ANO7: variants seen among roughly 807,000 people sequenced by gnomAD.
ANO7 encodes the protein anoctamin 7, also known as anoctamin-7.
A neutral mutation model predicts 115.8 loss-of-function variants in ANO7; 114 were observed. The observed-to-expected ratio is 0.98, with a 90% CI of 0.85 to 1.15. The LOEUF (loss-of-function observed/expected upper bound fraction) is 1.15, where lower values mean the gene tolerates loss of function less well. Ranked by LOEUF, ANO7 falls within the 50% of genes most tolerant of loss-of-function variation. The pLI, the probability that ANO7 is intolerant of heterozygous loss-of-function variation, is 0.00. For synonymous variants in ANO7, 550 were observed against 498.2 expected (o/e 1.10, Z -1.38); for missense variants, 1,302 against 1,201.2 (o/e 1.08, Z -1.24).
intron 4 of ANO7, among the ~76,000 whole-genome samples, chr2:241,196,638 G>T (rs2149128264): frequency 6.6e-6 from 1 of 152,262 alleles, no homozygotes; most frequent in East Asian, 1.9e-4. Flanking sequence ...GAGATCGGCA[G>T]AGCTGAATCT....
chr2:241,222,440 C>T (rs1462135108), intron 21 of ANO7, among the ~76,000 whole-genome samples: 1 of 151,902 alleles, frequency 6.6e-6, no homozygotes, highest in Non-Finnish European at 1.5e-5. Flanking sequence ...CAAGTGTGCT[C>T]TCTGTGTTGC....
downstream of ANO7, chr2:241,227,641 T>C (rs572358586): frequency 2.6e-5 from 4 of 152,734 alleles, no homozygotes; most frequent in South Asian, 2.1e-4. Context: ...CATACAGAGA[T>C]GTGCAAAACT....
At chr2:241,239,077 A>G in the ANO7 span, among the ~76,000 whole-genome samples, 1 of 152,004 alleles carries the variant, frequency 6.6e-6, no homozygotes, top group Non-Finnish European at 1.5e-5. This position sits in a 1 kb window ranked among gnomAD's most constrained non-coding sequence, Gnocchi z 4.6. Flanking sequence ...CTCTGACTCC[A>G]TGAGGAGGCA....
rs2068479424 is a variant in ANO7 at position 241,201,819 on chromosome 2, C to A, written c.613-375C>A. ...GTCACGTGGCTGCCCAGGTAGGGGG[C>A]AGGGCACACCCTGGACACAGCTGCC... On this transcript the variant is annotated intron_variant, in intron 7 of 24. Coordinates refer to ENST00000674324, the MANE Select transcript of ANO7 (RefSeq NM_001370694.2). 3.2e-5 allele frequency among the ~76,000 whole-genome samples: 4 copies of A among 125,078 alleles called. No homozygotes were observed. The Admixed American group carries it at 3.3e-4, about 10-fold the overall frequency. The allele number at this position is 125,078 out of a possible 152,430, so 82.1% of individuals were successfully genotyped here.
chr2:241,197,396 G>C (rs1343943402), intron 4 of ANO7, among the ~76,000 whole-genome samples: 1 of 152,090 alleles, frequency 6.6e-6, no homozygotes, highest in Non-Finnish European at 1.5e-5. Context: ...CACCGCGCCA[G>C]GCCTAACGAG....
Position 241,208,688 on chromosome 2 carries a change from C to A in ANO7, c.1078-597C>A, listed in dbSNP as rs145688340. ...AAATACACTCACCTCATCCCAGCATCCTCCAAAGTCTCAACCTCTTACAGC... is the reference window on the plus strand; with the variant it reads ...AAATACACTCACCTCATCCCAGCATACTCCAAAGTCTCAACCTCTTACAGC... On this transcript the variant is annotated intron_variant, in intron 11 of 24. Transcript: ENST00000674324. Among the ~76,000 whole-genome samples the A allele has an allele frequency of 3.6e-3, 541 of 152,342 alleles. 5 individuals are homozygous for A. The highest frequency in any genetic ancestry group is 0.011 in the African/African-American group (474 of 41,570).
At position 241,209,611 on chromosome 2, in the gene ANO7, C is replaced by G; in HGVS notation, c.1335C>G (p.Ala445=). The part of the protein sequence containing the change: ...PERSRARRML[A]GSVVIVVMVA... ...GGAGCCGCGCGCGCCGCATGCTGGC[C>G]GGCTCTGTGGTGATCGTGGTGATGG... Residue 445 remains alanine (A), a synonymous_variant, in exon 13 of 25, where the codon GCC becomes GCG. Coordinates refer to ENST00000674324, the MANE Select transcript of ANO7 (RefSeq NM_001370694.2). 1 of 1,587,650 alleles carries G rather than the reference C, an allele frequency of 6.3e-7. No homozygotes were observed. Among genetic ancestry groups the G allele is most frequent in the Non-Finnish European group, 8.6e-7 (1 of 1,167,414 alleles).
chr2:241,219,574 T>C (rs4675820), intron 21 of ANO7, among the ~76,000 whole-genome samples: 1,527 of 151,884 alleles, frequency 0.01, 91 homozygotes, highest in Admixed American at 0.085. Flanking sequence ...TTTTCTTTTT[T>C]CTTTTTTTTT....
At chr2:241,230,233 G>A, downstream of ANO7, 3 of 1,610,900 alleles carry the variant, frequency 1.9e-6, no homozygotes, top group Non-Finnish European at 2.5e-6. The surrounding 1 kb of genome is among the most constrained non-coding windows in gnomAD (Gnocchi z 5.0). Context: ...ACGCAGTTGG[G>A]GTCTGGGGCT....
intron 2 of ANO7, 37 bp from the exon 3 acceptor site, chr2:241,191,157 G>A (rs1316012828): frequency 6.2e-7 from 1 of 1,613,164 alleles, no homozygotes; most frequent in Non-Finnish European, 8.5e-7. Flanking sequence ...GGCAGATGCT[G>A]ATGCTGATAT....
chr2:241,235,302 G>A, the ANO7 span: 2 of 1,613,296 alleles, frequency 1.2e-6, no homozygotes, highest in African/African-American at 2.7e-5. Flanking sequence ...CCAGAGAACA[G>A]GAAAGAGTCC....
intron 17 of ANO7, among the ~76,000 whole-genome samples, chr2:241,213,679 G>A (rs1168013221): frequency 1.3e-5 from 2 of 152,238 alleles, no homozygotes; most frequent in Non-Finnish European, 2.9e-5. Flanking sequence ...TGCATCTGGA[G>A]CCATCCACAG....
chr2:241,224,246 T>C lies in ANO7; in HGVS notation c.*93T>C. The stretch of plus-strand genomic sequence containing the variant: ...TTCCTCTTCCCTCAGGCAGCGGCTG[T>C]GTGAACCGCTGGCTGCTGTTGTGCC... On this transcript the variant is annotated 3_prime_UTR_variant, in exon 25 of 25. Coordinates refer to ENST00000674324, the MANE Select transcript of ANO7 (RefSeq NM_001370694.2). 1 of 1,387,908 alleles carries C rather than the reference T, an allele frequency of 7.2e-7. No homozygotes were observed. Among genetic ancestry groups the C allele is most frequent in the South Asian group, 1.2e-5 (1 of 80,314 alleles). 86.0% of individuals were successfully genotyped at this position (1,387,908 alleles called of 1,614,324 possible).
At chr2:241,209,259 C>T in intron 11 of ANO7, 26 bp from the exon 12 acceptor site, 2 of 1,540,230 alleles carry the variant, frequency 1.3e-6, no homozygotes, top group Non-Finnish European at 1.7e-6. Flanking sequence ...CCAAGCAAGT[C>T]TGGACGCCCC....
intron 19 of ANO7, among the ~76,000 whole-genome samples, chr2:241,216,508 G>T (rs2068831914): frequency 6.6e-6 from 1 of 152,242 alleles, no homozygotes; most frequent in Non-Finnish European, 1.5e-5. Context: ...CTCCCCTGGG[G>T]TCCCTGGACC....
In ANO7 at chr2:241,203,324, C is replaced by T. The variant is rs564479924; in HGVS notation, c.724-9C>T. The T allele has an allele frequency of 1.6e-5, 24 of 1,516,482 alleles. No homozygotes were observed. Among genetic ancestry groups the T allele is most frequent in the Middle Eastern group, 2.2e-4 (1 of 4,460 alleles). 93.9% of individuals were successfully genotyped at this position (1,516,482 alleles called of 1,614,324 possible). A position where few individuals can be genotyped will look rare whatever the true frequency, so the allele number is the denominator to read the frequency against. On this transcript the variant is annotated splice_polypyrimidine_tract_variant and intron_variant, in intron 8 of 24. Transcript: ENST00000674324. The surrounding 1 kb of genome is among the most constrained non-coding windows in gnomAD (Gnocchi z 4.8). ...GGGAGCCTCCCACCCACAGGCCGCT[C>T]GCCCCCAGGGCCCCTTCAAGACGCC...
the ANO7 span, among the ~76,000 whole-genome samples, chr2:241,231,588 T>C: frequency 1.3e-5 from 2 of 152,124 alleles, no homozygotes; most frequent in Non-Finnish European, 2.9e-5. Flanking sequence ...CCCCTCAGCT[T>C]CCTGCTTCTT....
Position 241,223,676 on chromosome 2 carries a change from C to A in ANO7, c.2427C>A (p.Ser809=). 1.9e-6 allele frequency: 3 copies of A among 1,613,014 alleles called. No homozygotes were observed. The highest frequency in any genetic ancestry group is 2.5e-6 in the Non-Finnish European group (3 of 1,179,480). Residue 809 remains serine (S), a synonymous_variant, in exon 23 of 25, where the codon TCC becomes TCA. Transcript: ENST00000674324. ...FVIVFEHVVF[S]VGRLLDLLVP... ...TCTGCTCCCAGCATGTGGTTTTCTC[C>A]GTTGGCCGCCTCCTGGACCTCCTGG...
chr2:241,210,675 ATTTC>A (rs1000883055), intron 15 of ANO7, 105 bp downstream of exon 15: 4 of 956,634 alleles, frequency 4.2e-6, no homozygotes, highest in African/African-American at 1.6e-5. Flanking sequence ...CCTCATTTCT[ATTTC>A]TTTCTTCTTT....
Sources: gnomAD v4.1 joint callset for allele counts (sites outside exome capture counted in the v4.1 genomes callset) on GRCh38, gnomAD v4.1.1 for gene constraint, Gnocchi (gnomAD v3.1) non-coding constraint, MANE v1.5 for transcripts, NCBI Gene and HGNC (gene_info 2026-07-23, HGNC 2026-07-21) for gene names.